The following SCRIB variants were observed in gnomAD, a reference collection of about 807,000 sequenced individuals.
SCRIB encodes protein scribble homolog.
In SCRIB, 72 loss-of-function variants were observed where a neutral mutation model predicts 170.0. The ratio of observed to expected loss-of-function variants is 0.42; its 90% CI spans 0.35 to 0.52. The LOEUF is 0.52. Among genes scored for constraint, SCRIB ranks in the 20% least tolerant of loss-of-function variants. The probability of loss-of-function intolerance (pLI) is 0.02; values close to 1 mark genes in which losing one functional copy is unlikely to be tolerated. For synonymous variants in SCRIB, 1,298 were observed against 1,044.3 expected, an observed-to-expected ratio of 1.24 and a Z score of -4.68; for missense variants, 2,475 against 2,338.5, an observed-to-expected ratio of 1.06 and a Z score of -1.20.
chr8:143,813,159 C>T (rs993391904), intron 6 of SCRIB, 55 bp from the exon 7 acceptor site: 45 of 1,581,414 alleles, frequency 2.8e-5, no homozygotes, highest in South Asian at 4.6e-5. Context: ...CCTGCTGCGC[C>T]GTGCTCAAGA....
At chr8:143,794,433 G>C (rs1159215591) in intron 27 of SCRIB, among the ~76,000 whole-genome samples, 1 of 152,158 alleles carries the variant, frequency 6.6e-6, no homozygotes, top group African/African-American at 2.4e-5. Context: ...AGGAGGCAGG[G>C]TCAGTACCCA....
chr8:143,803,218 C>T (rs1365263951), intron 24 of SCRIB, among the ~76,000 whole-genome samples, 165 bp downstream of exon 24: 22 of 152,200 alleles, frequency 1.4e-4, no homozygotes, highest in Admixed American at 1.4e-3. Flanking sequence ...AGGCAGGGCC[C>T]TCCGCCCACA....
intron 15 of SCRIB, 132 bp from the exon 16 acceptor site, chr8:143,807,746 G>A (rs578084586): frequency 3.9e-5 from 29 of 752,264 alleles, no homozygotes; most frequent in Non-Finnish European, 5.7e-5. Flanking sequence ...GCCCTGGCAC[G>A]GGCGCCTCCA....
intron 17 of SCRIB, 40 bp from the exon 18 acceptor site, chr8:143,806,524 G>A (rs367859619): frequency 2.6e-5 from 38 of 1,484,610 alleles, no homozygotes; most frequent in East Asian, 4.9e-5. Flanking sequence ...CCAGGGAGAC[G>A]GGCCCGCATT....
intron 24 of SCRIB, among the ~76,000 whole-genome samples, chr8:143,798,255 C>T (rs1347032823): frequency 7.4e-6 from 1 of 135,376 alleles, no homozygotes; most frequent in African/African-American, 2.8e-5. Flanking sequence ...GACTCCGTCT[C>T]AAAAAAAAAA....
chr8:143,802,575 C>T (rs943783706), intron 24 of SCRIB, among the ~76,000 whole-genome samples: 7 of 152,264 alleles, frequency 4.6e-5, no homozygotes, highest in Non-Finnish European at 8.8e-5. Flanking sequence ...CTGGCCCTCC[C>T]GGGACCCACC....
chr8:143,809,725 C>A lies in SCRIB; in HGVS notation c.1531-7G>T, dbSNP rs751092829. ...CGGCACTCAGCCGCTTCTCCTGCGG[C>A]GGGAAGTGGGGTCAGGCTTCGACGG... On this transcript the variant is annotated splice_polypyrimidine_tract_variant and splice_region_variant and intron_variant, in intron 13 of 36. Coordinates refer to ENST00000356994, the MANE Select transcript of SCRIB (RefSeq NM_182706.5). The A allele has an allele frequency of 1.2e-6, 2 of 1,606,390 alleles. No individual in the cohort carries two copies. Among genetic ancestry groups the A allele is most frequent in the Middle Eastern group, 1.6e-4 (1 of 6,064 alleles).
chr8:143,800,041 C>T (rs1311467173), intron 24 of SCRIB, among the ~76,000 whole-genome samples: 1 of 127,880 alleles, frequency 7.8e-6, no homozygotes, highest in East Asian at 2.9e-4. Context: ...CCCCCCCCAC[C>T]CCACCCATGC....
At chr8:143,801,949 C>G (rs1343086360) in intron 24 of SCRIB, among the ~76,000 whole-genome samples, 1 of 152,266 alleles carries the variant, frequency 6.6e-6, no homozygotes, top group African/African-American at 2.4e-5. Context: ...TGGCCGACAG[C>G]AGCGCGGCAC....
At chr8:143,813,933 C>T (rs1815887748) in intron 2 of SCRIB, 37 bp from the exon 3 acceptor site, 2 of 1,599,790 alleles carry the variant, frequency 1.3e-6, no homozygotes, top group African/African-American at 1.3e-5. Context: ...ATGCCATGGC[C>T]TGCAGGCCGT....
In SCRIB at chr8:143,803,551, G is replaced by T; in HGVS notation, c.3435C>A (p.Ala1145=). ...FISKVSPTGA[A]GRDGRLRVGL... is the part of the protein sequence containing the mutation. The stretch of plus-strand genomic sequence containing the variant: ...CCACACGCAGCCGACCGTCGCGCCC[G>T]GCTGCCCCCGTGGGGCTCACCTGTG... Residue 1145 remains alanine (A), a synonymous_variant, in exon 24 of 37, where the codon GCC becomes GCA. Transcript: ENST00000356994. The T allele has an allele frequency of 6.2e-7, 1 of 1,603,534 alleles. No individual in the cohort carries two copies.
chr8:143,806,358 C>T (rs782230509), intron 18 of SCRIB, 49 bp downstream of exon 18: 7 of 1,439,780 alleles, frequency 4.9e-6, no homozygotes, highest in Non-Finnish European at 6.7e-6. Context: ...GGACCATGTA[C>T]CTCCAGAGGG....
At position 143,792,215 on chromosome 8, in the gene SCRIB, C is replaced by A. The variant is rs1460802339; in HGVS notation, c.4514+5G>T. On this transcript the variant is annotated splice_donor_5th_base_variant and intron_variant, in intron 32 of 36. Transcript: ENST00000356994. The stretch of plus-strand genomic sequence containing the variant: ...GCGGGGTGGCGACCCCACACAGGGG[C>A]TCACCTGGCTGCCCTCCACAGCGCA... 1.9e-6 allele frequency: 3 copies of A among 1,557,692 alleles called. No homozygotes were observed. The highest frequency in any genetic ancestry group is 2.6e-6 in the Non-Finnish European group (3 of 1,158,700).
At chr8:143,791,833 A>C (rs782090429) in intron 34 of SCRIB, 43 bp downstream of exon 34, 1 of 1,504,266 alleles carries the variant, frequency 6.6e-7, no homozygotes, top group Admixed American at 2.1e-5. Context: ...CCCCACCCCC[A>C]TGCCTCGGGG....
chr8:143,794,367 T>C (rs1395372344), intron 27 of SCRIB: 2 of 195,524 alleles, frequency 1.0e-5, no homozygotes, highest in Non-Finnish European at 2.1e-5. Flanking sequence ...TGTGCTGTTG[T>C]TCATGAGGAT....
intron 1 of SCRIB, among the ~76,000 whole-genome samples, chr8:143,814,512 G>C (rs756290536): frequency 2.6e-5 from 4 of 152,058 alleles, no homozygotes; most frequent in Non-Finnish European, 4.4e-5. Flanking sequence ...TCTGCAGCAA[G>C]AACTCAGTAA....
Position 143,792,852 on chromosome 8 carries a change from G to T in SCRIB, c.4033C>A (p.Pro1345Thr). ...GACAGCTGCTCCGGGGAGGCTGCAG[G>T]CCCAGGCGTGGGGGGCTGGGGGGAG... ...DAPAQPPTPG[P>T]AASPEQLSFR... The change falls in exon 30 of 37, where the codon CCT becomes ACT. Residue 1345 changes from proline to threonine, a missense_variant. This residue lies in a region of SCRIB where 1,966 missense variants were observed against 1,742.9 expected (regional missense o/e 1.13). Coordinates refer to ENST00000356994, the MANE Select transcript of SCRIB (RefSeq NM_182706.5). 6.6e-7 allele frequency: 1 copy of T among 1,525,040 alleles called. No individual in the cohort carries two copies. The highest frequency in any genetic ancestry group is 1.3e-5 in the South Asian group (1 of 78,950). 94.5% of individuals were successfully genotyped at this position (1,525,040 alleles called of 1,614,324 possible). A position where few individuals can be genotyped will look rare whatever the true frequency, so the allele number is the denominator to read the frequency against.
rs781777368 is a variant in SCRIB, at chr8:143,809,660, G to C, written c.1589C>G (p.Thr530Arg). The C allele has an allele frequency of 8.1e-6, 13 of 1,611,338 alleles. No homozygotes were observed. Among genetic ancestry groups the C allele is most frequent in the Non-Finnish European group, 1.1e-5 (13 of 1,179,930 alleles). ...GCCCTCGGGCTCAGCCTCAGAGACTGTGCTGGCAGATGGGCGAGAGTCTTC... is the reference window on the plus strand; with the variant it reads ...GCCCTCGGGCTCAGCCTCAGAGACTCTGCTGGCAGATGGGCGAGAGTCTTC... ...LSEDSRPSASTVSEAEPEGPS... is the reference protein window; with the variant it reads ...LSEDSRPSASRVSEAEPEGPS... Residue 530 changes from threonine to arginine, a missense_variant, in exon 14 of 37, where the codon ACA becomes AGA. Coordinates refer to ENST00000356994, the MANE Select transcript of SCRIB (RefSeq NM_182706.5).
rs774775679 is a variant in SCRIB at position 143,813,098 on chromosome 8, T to C, written c.574A>G (p.Thr192Ala). ...GGNDLEVLPD[T>A]LGALPNLREL... ...CGAAGATTGGGCAGAGCCCCCAGAG[T>C]GTCTGGCTGCAAGAAGGAACAGAGA... The change falls in exon 7 of 37, where the codon ACT becomes GCT. Residue 192 changes from threonine (T) to alanine (A), a missense_variant. Thr to Ala is a moderately conservative substitution (Grantham distance 58). Around this residue, in one of 3 missense-constraint regions of SCRIB, gnomAD observed 487 missense variants for 558.1 expected, o/e 0.87. Coordinates refer to ENST00000356994, the MANE Select transcript of SCRIB (RefSeq NM_182706.5). 11 of 1,576,038 alleles carry C rather than the reference T, an allele frequency of 7.0e-6. No homozygotes were observed. The highest frequency in any genetic ancestry group is 2.3e-5 in the East Asian group (1 of 43,760).
Sources: gnomAD v4.1 joint callset for allele counts (sites outside exome capture counted in the v4.1 genomes callset) on GRCh38, gnomAD v4.1.1 for gene constraint, gnomAD v4.1.1 regional missense constraint, MANE v1.5 for transcripts, NCBI Gene and HGNC (gene_info 2026-07-23, HGNC 2026-07-21) for gene names.